Variants in RIN3 observed in about 807,000 individuals in gnomAD.
RIN3 encodes Ras and Rab interactor 3.
In RIN3, 54 loss-of-function variants were observed where a neutral mutation model predicts 76.3. The observed-to-expected ratio is 0.71, with a 90% CI of 0.57 to 0.89. The LOEUF is 0.89. RIN3 is among the 40% of genes least tolerant of loss of function. RIN3 has a pLI of 0.00. For missense variants in RIN3, 1,256 were observed against 1,322.1 expected, an observed-to-expected ratio of 0.95 and a Z score of 0.78; for synonymous variants, 576 against 564.0, an observed-to-expected ratio of 1.02 and a Z score of -0.30.
At chr14:92,650,537 G>A (rs1216699700) in intron 5 of RIN3, among the ~76,000 whole-genome samples, 2 of 152,204 alleles carry the variant, frequency 1.3e-5, no homozygotes, top group African/African-American at 4.8e-5. Flanking sequence ...TGAAAGGCTG[G>A]CTGCACCAAT....
At chr14:92,544,968 A>G (rs1307900812) in intron 1 of RIN3, among the ~76,000 whole-genome samples, 1 of 152,110 alleles carries the variant, frequency 6.6e-6, no homozygotes, top group Admixed American at 6.5e-5. Context: ...ACAAACAGGT[A>G]TAGAACTGTG....
chr14:92,619,435 C>CTT (rs33981976), intron 4 of RIN3, among the ~76,000 whole-genome samples: 16 of 73,138 alleles, frequency 2.2e-4, no homozygotes, highest in Admixed American at 6.6e-4. Context: ...TTCTAGTAGT[C>CTT]TTTTTTTTTT....
rs1886246281 is a variant in RIN3, at chr14:92,623,299, T to C, written c.440+7820T>C. Among the ~76,000 whole-genome samples the C allele has an allele frequency of 6.6e-6, 1 of 152,232 alleles. No individual in the cohort carries two copies. Among genetic ancestry groups the C allele is most frequent in the South Asian group, 2.1e-4 (1 of 4,836 alleles). ...CTATCATAACACAAACTCCACCTTT[T>C]TCTGCTAATATCATATCTAAGGCCA... is the stretch of plus-strand genomic sequence containing the variant. On this transcript the variant is annotated intron_variant, in intron 4 of 9. Transcript: ENST00000216487. The surrounding 1 kb of genome is among the most constrained non-coding windows in gnomAD (Gnocchi z 4.9).
rs189243113 is a variant in RIN3, at chr14:92,604,469, C to G, written c.368-10938C>G. 2.6e-5 allele frequency among the ~76,000 whole-genome samples: 4 copies of G among 152,282 alleles called. No individual in the cohort carries two copies. In the East Asian group the frequency reaches 7.7e-4, roughly 29 times the overall value. On this transcript the variant is annotated intron_variant, in intron 3 of 9. Transcript: ENST00000216487. ...ACATAAGGACCTGGGGTGAAAGCTA[C>G]TTCCAGGGTCCACCCAAAGGTCCCC...
At chr14:92,557,347 G>C (rs1897620178) in intron 2 of RIN3, among the ~76,000 whole-genome samples, 1 of 152,238 alleles carries the variant, frequency 6.6e-6, no homozygotes, top group African/African-American at 2.4e-5. Flanking sequence ...GACCCAGGCA[G>C]TCTGGGTGCC....
intron 1 of RIN3, among the ~76,000 whole-genome samples, chr14:92,550,458 G>T (rs146793759): frequency 3.1e-4 from 47 of 152,108 alleles, no homozygotes; most frequent in African/African-American, 1.1e-3. Flanking sequence ...CTGTTACCCA[G>T]GCTGGAATGC....
At chr14:92,567,293 C>T (rs1307409524) in intron 2 of RIN3, among the ~76,000 whole-genome samples, 1 of 152,250 alleles carries the variant, frequency 6.6e-6, no homozygotes, top group African/African-American at 2.4e-5. Context: ...AACAAACCAA[C>T]ATTCAGTGGC....
chr14:92,687,989 G>C lies in RIN3; in HGVS notation c.2695G>C (p.Asp899His). Reference sequence around the variant, plus strand: ...GGCGCGGACGCTGGCGTCGCGGGCGGACACCCAGGCCCAGGCGCTGTGCGC... The same window carrying C: ...GGCGCGGACGCTGGCGTCGCGGGCGCACACCCAGGCCCAGGCGCTGTGCGC... ...QQARTLASRA[D>H]TQAQALCAQC... The change falls in exon 10 of 10, where the codon GAC (aspartate) becomes CAC (histidine). Residue 899 changes from aspartate to histidine, a missense_variant. Physicochemically the swap from Asp to His is moderately conservative, Grantham distance 81 (BLOSUM62 -1). Coordinates refer to ENST00000216487, the MANE Select transcript of RIN3 (RefSeq NM_024832.5). 6.4e-7 allele frequency: 1 copy of C among 1,566,470 alleles called. No individual in the cohort carries two copies. Among genetic ancestry groups the C allele is most frequent in the South Asian group, 1.2e-5 (1 of 86,026 alleles).
chr14:92,637,943 C>T, intron 4 of RIN3, among the ~76,000 whole-genome samples: 1 of 152,280 alleles, frequency 6.6e-6, no homozygotes, highest in African/African-American at 2.4e-5. Flanking sequence ...TCTGTGTCCT[C>T]TGTAAAACAG....
At chr14:92,554,768 C>A (rs1399721997) in intron 1 of RIN3, among the ~76,000 whole-genome samples, 1 of 151,990 alleles carries the variant, frequency 6.6e-6, no homozygotes, top group African/African-American at 2.4e-5. Context: ...TAAAAAAATA[C>A]AAAAATTAGC....
intron 3 of RIN3, among the ~76,000 whole-genome samples, chr14:92,578,215 G>A (rs191980237): frequency 6.7e-6 from 1 of 149,840 alleles, no homozygotes; most frequent in Admixed American, 6.7e-5. Context: ...CATCCTGGGT[G>A]ACAGAGGGAG....
At chr14:92,655,370 CAGAG>C (rs886601029) in intron 6 of RIN3, among the ~76,000 whole-genome samples, 2 of 151,922 alleles carry the variant, frequency 1.3e-5, no homozygotes, top group African/African-American at 2.4e-5. Context: ...GACAGAGAGA[CAGAG>C]AGACAAAGGG....
intron 7 of RIN3, among the ~76,000 whole-genome samples, chr14:92,669,872 T>C (rs1013598667): frequency 2.0e-5 from 3 of 152,170 alleles, no homozygotes; most frequent in African/African-American, 7.2e-5. Flanking sequence ...ATATTTACTT[T>C]CTGGCCTTTT....
At chr14:92,675,281 T>G (rs1376754235) in intron 7 of RIN3, among the ~76,000 whole-genome samples, 3 of 152,240 alleles carry the variant, frequency 2.0e-5, no homozygotes, top group African/African-American at 7.2e-5. Context: ...TAATTTATAT[T>G]GGTACTGATG....
chr14:92,667,886 AAG>A (rs1481491800), intron 7 of RIN3, among the ~76,000 whole-genome samples: 1 of 102,204 alleles, frequency 9.8e-6, no homozygotes, highest in Non-Finnish European at 2.0e-5. Context: ...GGGCATCTGA[AAG>A]AGAGCTAAAG....
chr14:92,518,334 C>G (rs71430765), intron 1 of RIN3, among the ~76,000 whole-genome samples: 19,580 of 152,228 alleles, frequency 0.13, 1,351 homozygotes, highest in South Asian at 0.19. Flanking sequence ...GCCAATGATA[C>G]GCTGATTGAA....
At chr14:92,666,573 G>A (rs971397226) in intron 7 of RIN3, among the ~76,000 whole-genome samples, 2 of 72,102 alleles carry the variant, frequency 2.8e-5, no homozygotes, top group African/African-American at 1.1e-4. Context: ...CTGGAATCAG[G>A]AGCAGACCGG....
chr14:92,659,459 C>T lies in RIN3; in HGVS notation c.2325C>T (p.Leu775=), dbSNP rs371867600. The T allele has an allele frequency of 4.7e-5, 76 of 1,603,076 alleles. No homozygotes were observed. Among genetic ancestry groups the T allele is most frequent in the Non-Finnish European group, 6.4e-5 (75 of 1,174,564 alleles). ...TCKLIYDSMA[L]GNPGKPYGAD... is the part of the protein sequence containing the mutation. ...AACTCATCTACGACTCCATGGCCCT[C>T]GGCAACCCAGGTCAGTGGGCAGCCG... Residue 775 remains leucine (L), a synonymous_variant, in exon 7 of 10, where the codon CTC becomes CTT. Coordinates refer to ENST00000216487, the MANE Select transcript of RIN3 (RefSeq NM_024832.5).
chr14:92,664,368 T>C (rs60803962), intron 7 of RIN3, among the ~76,000 whole-genome samples: 27 of 127,050 alleles, frequency 2.1e-4, no homozygotes, highest in African/African-American at 7.6e-4. Flanking sequence ...TTCTTTCTTT[T>C]TTTTTTTTTT....
Sources: gnomAD v4.1 joint callset for allele counts (sites outside exome capture counted in the v4.1 genomes callset) on GRCh38, gnomAD v4.1.1 for gene constraint, Gnocchi (gnomAD v3.1) non-coding constraint, MANE v1.5 for transcripts, NCBI Gene and HGNC (gene_info 2026-07-23, HGNC 2026-07-21) for gene names.